The following NMNAT3 variants were observed in gnomAD, a reference collection of about 807,000 sequenced individuals.
NMNAT3 encodes nicotinamide nucleotide adenylyltransferase 3, also known as nicotinamide/nicotinic acid mononucleotide adenylyltransferase 3.
In NMNAT3, 21 loss-of-function variants were observed where a neutral mutation model predicts 24.8. The ratio of observed to expected loss-of-function variants is 0.85; its 90% confidence interval spans 0.60 to 1.22. NMNAT3 has a LOEUF of 1.22. NMNAT3 is among the 50% of genes most tolerant of loss of function. The pLI, the probability that NMNAT3 is intolerant of heterozygous loss-of-function variation, is 0.00. For synonymous variants in NMNAT3, 136 were observed against 155.2 expected (o/e 0.88, Z 0.92); for missense variants, 387 against 436.6 (o/e 0.89, Z 1.01).
chr3:139,584,265 T>C (rs1401518417), intron 3 of NMNAT3: 1 of 154,630 alleles, frequency 6.5e-6, no homozygotes, highest in African/African-American at 2.4e-5. Context: ...TACCCTTGAC[T>C]GAAGACCGGT....
chr3:139,636,764 T>A (rs1437273639), intron 2 of NMNAT3: 6 of 152,192 alleles, frequency 3.9e-5, no homozygotes, highest in Admixed American at 3.3e-4. Context: ...ATGAAGTTTT[T>A]AGCAATGTTA....
intron 6 of NMNAT3, chr3:139,571,150 T>A (rs1479734574): frequency 3.3e-5 from 5 of 152,260 alleles, no homozygotes; most frequent in Admixed American, 3.3e-4. Context: ...CTCCGAGCCA[T>A]GTGTGGGATA....
intron 3 of NMNAT3, among the ~76,000 whole-genome samples, chr3:139,602,652 A>C (rs2054769107): frequency 6.6e-6 from 1 of 152,226 alleles, no homozygotes; most frequent in Non-Finnish European, 1.5e-5. Context: ...TAGAGAGACC[A>C]CTTCCTTTCA....
At chr3:139,593,468 A>G (rs2054297163) in intron 3 of NMNAT3, among the ~76,000 whole-genome samples, 1 of 152,178 alleles carries the variant, frequency 6.6e-6, no homozygotes, top group African/African-American at 2.4e-5. Context: ...GACCTAATAG[A>G]CATCTACAGA....
Position 139,674,022 on chromosome 3 carries a change from A to AGG in NMNAT3, c.-141+3681_-141+3682dup, listed in dbSNP as rs555600229. Among the ~76,000 whole-genome samples the AGG allele has an allele frequency of 3.3e-4, 50 of 152,082 alleles. No individual in the cohort carries two copies. In the South Asian group the frequency reaches 9.6e-3, roughly 29 times the overall value. ...CCGCTGCCCCAGGGATTCTGGATTT[A>AGG]GGGGCAGCTCTGGCCAGAGGCAGGG... On this transcript the variant is annotated intron_variant, in intron 1 of 6. Coordinates refer to ENST00000643695, the MANE Select transcript of NMNAT3 (RefSeq NM_001320510.2).
chr3:139,561,137 T>G lies in NMNAT3; in HGVS notation c.914A>C (p.Gln305Pro). The G allele has an allele frequency of 6.2e-7, 1 of 1,614,216 alleles. No individual in the cohort carries two copies. The change falls in exon 7 of 7, where the codon CAA becomes CCA. Residue 305 changes from glutamine (Q) to proline (P), a missense_variant. Transcript: ENST00000643695. ...AATCAGGTACTTTACGCTCTGCCCT[T>G]GGCCCAAGGCTCGCCTGATGTATGT...
chr3:139,660,255 A>T (rs928394087), intron 1 of NMNAT3, among the ~76,000 whole-genome samples: 1 of 152,122 alleles, frequency 6.6e-6, no homozygotes, highest in African/African-American at 2.4e-5. Flanking sequence ...AATTAACCTA[A>T]ATCTACAAAC....
At chr3:139,666,147 G>A (rs1282383729) in intron 1 of NMNAT3, among the ~76,000 whole-genome samples, 4 of 152,200 alleles carry the variant, frequency 2.6e-5, no homozygotes, top group Non-Finnish European at 2.9e-5. Flanking sequence ...AACAGCATGC[G>A]CTGTCCACAT....
intron 2 of NMNAT3, chr3:139,636,422 T>C (rs144645633): frequency 6.6e-6 from 1 of 152,266 alleles, no homozygotes; most frequent in African/African-American, 2.4e-5. Context: ...ATGGCTGAAA[T>C]GTGCAGCAGC....
At chr3:139,642,744 C>A (rs773544605) in intron 1 of NMNAT3, among the ~76,000 whole-genome samples, 3 of 152,082 alleles carry the variant, frequency 2.0e-5, no homozygotes, top group African/African-American at 4.8e-5. Flanking sequence ...AGTGGGGCTT[C>A]CTTCATTGTG....
Position 139,560,776 on chromosome 3 carries a change from T to C in NMNAT3, c.*234A>G. The C allele has an allele frequency of 1.9e-6, 1 of 518,528 alleles. No individual in the cohort carries two copies. The highest frequency in any genetic ancestry group is 3.2e-5 in the East Asian group (1 of 31,276). The allele number at this position is 518,528 out of a possible 1,614,324, so 32.1% of individuals were successfully genotyped here. A position where few individuals can be genotyped will look rare whatever the true frequency, so the allele number is the denominator to read the frequency against. On this transcript the variant is annotated 3_prime_UTR_variant, in exon 7 of 7. Coordinates refer to ENST00000643695, the MANE Select transcript of NMNAT3 (RefSeq NM_001320510.2). ...GAGATTCTGCCTAATCCTAATGACC[T>C]GCCACACCATTTTAACTTCTTTGAT...
chr3:139,669,045 G>A (rs951178420), intron 1 of NMNAT3, among the ~76,000 whole-genome samples: 4 of 152,182 alleles, frequency 2.6e-5, no homozygotes. Flanking sequence ...ATTTCTTGGA[G>A]TATGGCCTTT....
chr3:139,573,600 G>T lies in NMNAT3; in HGVS notation c.656C>A (p.Ala219Glu). The stretch of plus-strand genomic sequence containing the variant: ...CAGACAAGAGGATCAGCACCCACCT[G>T]CAGGGGTCGAGAAGAGTGCCTTGCC... The change falls in exon 6 of 7, where the codon GCA (alanine) becomes GAA (glutamate). Residue 219 changes from alanine (A) to glutamate (E), a missense_variant and splice_region_variant. Coordinates refer to ENST00000643695, the MANE Select transcript of NMNAT3 (RefSeq NM_001320510.2). 1 of 1,582,154 alleles carries T rather than the reference G, an allele frequency of 6.3e-7. No homozygotes were observed. Among genetic ancestry groups the T allele is most frequent in the South Asian group, 1.2e-5 (1 of 86,488 alleles).
intron 6 of NMNAT3, chr3:139,571,515 TC>T (rs1350280022): frequency 6.6e-6 from 1 of 152,146 alleles, no homozygotes; most frequent in Non-Finnish European, 1.5e-5. Flanking sequence ...CATGTAAACT[TC>T]CTTTTTTTTT....
chr3:139,673,528 G>C (rs2057825150), intron 1 of NMNAT3, among the ~76,000 whole-genome samples: 1 of 152,028 alleles, frequency 6.6e-6, no homozygotes, highest in African/African-American at 2.4e-5. Context: ...AACACTTTTG[G>C]CCCCTCTGTC....
intron 1 of NMNAT3, among the ~76,000 whole-genome samples, chr3:139,665,129 G>C (rs2057535368): frequency 1.3e-5 from 2 of 152,132 alleles, no homozygotes; most frequent in South Asian, 4.1e-4. Context: ...GGCTGACCTG[G>C]GAGACTCTAC....
At chr3:139,593,599 A>C (rs1311083869) in intron 3 of NMNAT3, among the ~76,000 whole-genome samples, 1 of 152,086 alleles carries the variant, frequency 6.6e-6, no homozygotes, top group Non-Finnish European at 1.5e-5. Context: ...AACAGAAATT[A>C]TAACAAACTA....
chr3:139,629,375 T>A (rs879256330), intron 2 of NMNAT3, among the ~76,000 whole-genome samples: 10 of 152,244 alleles, frequency 6.6e-5, no homozygotes, highest in Non-Finnish European at 1.0e-4. Flanking sequence ...GAACACTGAC[T>A]GAAGCTTTAT....
At chr3:139,581,960 C>CAAGGCA in intron 4 of NMNAT3, among the ~76,000 whole-genome samples, 1 of 150,750 alleles carries the variant, frequency 6.6e-6, no homozygotes, top group East Asian at 2.0e-4. Flanking sequence ...TTTGGGAGGC[C>CAAGGCA]GGGGTGGGGG....
Sources: gnomAD v4.1 joint callset for allele counts (sites outside exome capture counted in the v4.1 genomes callset) on GRCh38, gnomAD v4.1.1 for gene constraint, MANE v1.5 for transcripts, NCBI Gene and HGNC (gene_info 2026-07-23, HGNC 2026-07-21) for gene names.